The following CDH20 variants were observed in gnomAD, a reference collection of about 807,000 sequenced individuals.
The protein encoded by CDH20 is cadherin-20.
In CDH20, 29 loss-of-function variants were observed where a neutral mutation model predicts 74.2. That is an observed-to-expected ratio of 0.39 (90% CI 0.29 to 0.53). The LOEUF (loss-of-function observed/expected upper bound fraction) is 0.53. CDH20 is among the 20% of genes least tolerant of loss of function. CDH20 has a pLI of 0.69. For synonymous variants in CDH20, 469 were observed against 405.4 expected (o/e 1.16, Z -1.88); for missense variants, 988 against 1,048.3 (o/e 0.94, Z 0.79).
Position 61,375,419 on chromosome 18 carries a change from T to G in CDH20, c.-153+41592T>G, listed in dbSNP as rs74723991. On this transcript the variant is annotated intron_variant, in intron 1 of 11. Coordinates refer to ENST00000262717, the MANE Select transcript of CDH20 (RefSeq NM_031891.4). ...GAGTGGCTTTTTTCTCTCTCTTGGC[T>G]TATACAGACGATCTTAGATTTTAGT... is the stretch of plus-strand genomic sequence containing the variant. Among the ~76,000 whole-genome samples, 1,436 of 152,268 alleles carry G rather than the reference T, an allele frequency of 9.4e-3. 21 individuals are homozygous for G. Among genetic ancestry groups the G allele is most frequent in the African/African-American group, 0.033 (1,356 of 41,560 alleles).
intron 6 of CDH20, among the ~76,000 whole-genome samples, chr18:61,521,943 C>A (rs1429554200): frequency 6.6e-6 from 1 of 152,124 alleles, no homozygotes; most frequent in Non-Finnish European, 1.5e-5. Flanking sequence ...CTATTTATGA[C>A]AAACCCACAG....
intron 10 of CDH20, among the ~76,000 whole-genome samples, chr18:61,549,070 C>T (rs987154138): frequency 1.3e-4 from 20 of 152,316 alleles, no homozygotes; most frequent in South Asian, 2.1e-4. Context: ...TGTCCTACTA[C>T]ATCTCTCAAA....
chr18:61,463,218 CA>C (rs1909847562), intron 1 of CDH20, among the ~76,000 whole-genome samples: 1 of 152,136 alleles, frequency 6.6e-6, no homozygotes, highest in Non-Finnish European at 1.5e-5. Context: ...GTGCTCTCAG[CA>C]CTGTTCTCCT....
chr18:61,412,029 A>C (rs1166514521), intron 1 of CDH20, among the ~76,000 whole-genome samples: 1 of 152,082 alleles, frequency 6.6e-6, no homozygotes. Context: ...TAATTTTAAA[A>C]AGTGAAAAAA....
chr18:61,466,865 C>G (rs1327693806), intron 1 of CDH20, among the ~76,000 whole-genome samples: 1 of 152,180 alleles, frequency 6.6e-6, no homozygotes, highest in Non-Finnish European at 1.5e-5. Flanking sequence ...ATGCCCTCCC[C>G]GCCTCCCTCT....
chr18:61,426,450 G>A (rs944265170), intron 1 of CDH20, among the ~76,000 whole-genome samples: 3 of 152,158 alleles, frequency 2.0e-5, no homozygotes, highest in Admixed American at 6.5e-5. Flanking sequence ...TAATCTTCTC[G>A]AAATATAGAA....
At position 61,353,633 on chromosome 18, in the gene CDH20, C is replaced by T. The variant is rs997595500; in HGVS notation, c.-153+19806C>T. On this transcript the variant is annotated intron_variant, in intron 1 of 11. Transcript: ENST00000262717. This position sits in a 1 kb window ranked among gnomAD's most constrained non-coding sequence, Gnocchi z 4.6. The stretch of plus-strand genomic sequence containing the variant: ...TGTTCAGTTAAATTTAATGGACCCT[C>T]AAATGTAACGGACCACCACCTATCA... Among the ~76,000 whole-genome samples, 3 of 152,184 alleles carry T rather than the reference C, an allele frequency of 2.0e-5. No individual in the cohort carries two copies. The highest frequency in any genetic ancestry group is 7.2e-5 in the African/African-American group (3 of 41,430).
chr18:61,414,146 C>A (rs1250722360), intron 1 of CDH20, among the ~76,000 whole-genome samples: 1 of 152,006 alleles, frequency 6.6e-6, no homozygotes, highest in East Asian at 1.9e-4. Context: ...AAAATAATTA[C>A]CAAATGTCGA....
At position 61,550,017 on chromosome 18, in the gene CDH20, G is replaced by C; in HGVS notation, c.1688G>C (p.Arg563Pro). ...ARILTRRSGF[R>P]QQEQSVFHLP... ...ATTCTAACCAGGAGGTCTGGTTTCC[G>C]GCAGCAGGAGCAGAGTGTCTTTCAC... is the stretch of plus-strand genomic sequence containing the variant. Residue 563 changes from arginine to proline, a missense_variant, in exon 11 of 12, where the codon CGG (arginine) becomes CCG (proline). By Grantham distance (103) the Arg-to-Pro change is moderately radical (BLOSUM62 -2). Around this residue, in one of 2 missense-constraint regions of CDH20, gnomAD observed 613 missense variants for 755.2 expected, o/e 0.81. Coordinates refer to ENST00000262717, the MANE Select transcript of CDH20 (RefSeq NM_031891.4). 6.2e-7 allele frequency: 1 copy of C among 1,614,138 alleles called. No individual in the cohort carries two copies. Among genetic ancestry groups the C allele is most frequent in the Non-Finnish European group, 8.5e-7 (1 of 1,180,008 alleles).
At chr18:61,431,554 C>G (rs72991867) in intron 1 of CDH20, among the ~76,000 whole-genome samples, 3,505 of 152,168 alleles carry the variant, frequency 0.023, 122 homozygotes, top group East Asian at 0.13. Flanking sequence ...TATATGAGAA[C>G]TCTGTAACAT....
intron 1 of CDH20, chr18:61,405,044 A>C: frequency 1.5e-6 from 1 of 686,432 alleles, no homozygotes; most frequent in Non-Finnish European, 2.7e-6. Flanking sequence ...ATTTCTTCAA[A>C]GTTGGACAGT....
intron 1 of CDH20, among the ~76,000 whole-genome samples, chr18:61,400,170 T>G (rs1912109753): frequency 6.6e-6 from 1 of 152,182 alleles, no homozygotes; most frequent in Admixed American, 6.5e-5. Context: ...GGCTGCTTCC[T>G]GTTGCATGTC....
At chr18:61,411,406 A>G (rs1332849522) in intron 1 of CDH20, among the ~76,000 whole-genome samples, 2 of 152,144 alleles carry the variant, frequency 1.3e-5, no homozygotes, top group Non-Finnish European at 2.9e-5. Flanking sequence ...ACTACTGGGT[A>G]TCTACCCAGA....
intron 7 of CDH20, among the ~76,000 whole-genome samples, chr18:61,532,502 T>C (rs1253463761): frequency 1.3e-5 from 2 of 151,020 alleles, no homozygotes; most frequent in Non-Finnish European, 2.9e-5. Context: ...ACGATATATA[T>C]GCACAACTGT....
chr18:61,364,863 T>A (rs189008985), intron 1 of CDH20, among the ~76,000 whole-genome samples: 1 of 152,328 alleles, frequency 6.6e-6, no homozygotes, highest in Non-Finnish European at 1.5e-5. Context: ...ACCAGTGGAC[T>A]AAGACACGGC....
intron 6 of CDH20, among the ~76,000 whole-genome samples, chr18:61,508,622 CTATTAT>C (rs56980561): frequency 6.6e-6 from 1 of 151,530 alleles, no homozygotes; most frequent in African/African-American, 2.4e-5. Context: ...AGATTGGAGA[CTATTAT>C]TATTATTATT....
intron 9 of CDH20, among the ~76,000 whole-genome samples, chr18:61,543,254 G>A (rs1008902216): frequency 6.6e-6 from 1 of 152,142 alleles, no homozygotes; most frequent in Non-Finnish European, 1.5e-5. Flanking sequence ...TACAAACTAA[G>A]CAAGCCCAGC....
intron 1 of CDH20, among the ~76,000 whole-genome samples, chr18:61,350,903 C>G (rs1328015163): frequency 2.0e-5 from 3 of 152,096 alleles, no homozygotes; most frequent in Admixed American, 6.6e-5. Flanking sequence ...TGGCCAGAAC[C>G]CTGCCTCAAC....
chr18:61,495,419 G>A (rs544999473), intron 2 of CDH20, among the ~76,000 whole-genome samples: 31 of 152,302 alleles, frequency 2.0e-4, no homozygotes, highest in African/African-American at 6.3e-4. Flanking sequence ...TTGGGTGCTG[G>A]GGCTGAAACT....
Sources: gnomAD v4.1 joint callset for allele counts (sites outside exome capture counted in the v4.1 genomes callset) on GRCh38, gnomAD v4.1.1 for gene constraint, gnomAD v4.1.1 regional missense constraint, Gnocchi (gnomAD v3.1) non-coding constraint, MANE v1.5 for transcripts, NCBI Gene and HGNC (gene_info 2026-07-23, HGNC 2026-07-21) for gene names.